PRRT1: variants seen among roughly 807,000 people sequenced by gnomAD.
PRRT1 encodes proline rich transmembrane protein 1.
PRRT1 carries 8 observed loss-of-function variants against 22.6 expected under a neutral mutation model. That is an observed-to-expected ratio of 0.35 (90% CI 0.21 to 0.64). The LOEUF (loss-of-function observed/expected upper bound fraction) is 0.64, where lower values mean the gene tolerates loss of function less well. PRRT1 is among the 30% of genes least tolerant of loss of function. The pLI, the probability that PRRT1 is intolerant of heterozygous loss-of-function variation, is 0.69. For missense variants in PRRT1, 315 were observed against 444.5 expected (o/e 0.71, Z 2.62); for synonymous variants, 176 against 203.6 (o/e 0.86, Z 1.15).
upstream of PRRT1, chr6:32,151,985 G>GGGGGGGGGGGGGGGGGGGGGT: frequency 5.2e-6 from 1 of 191,678 alleles, no homozygotes; most frequent in Non-Finnish European, 1.0e-5. Context: ...GGCGGAGGGA[G>GGGGGGGGGGGGGGGGGGGGGT]AGCGGGGAGG....
chr6:32,150,777 T>C lies in PRRT1; in HGVS notation c.149A>G (p.Gln50Arg). 1 of 1,559,178 alleles carries C rather than the reference T, an allele frequency of 6.4e-7. No individual in the cohort carries two copies. Among genetic ancestry groups the C allele is most frequent in the Non-Finnish European group, 8.7e-7 (1 of 1,152,670 alleles). Reference sequence around the variant, plus strand: ...GCGCGGGAGGGTGGCGGTGCCAGACTGATGGTAGTGGTGGTGGTGGTGATG... The same window carrying C: ...GCGCGGGAGGGTGGCGGTGCCAGACCGATGGTAGTGGTGGTGGTGGTGATG... The part of the protein sequence containing the change: ...SHHHHHHHYH[Q>R]SGTATLPRLG... The change falls in exon 2 of 4, where the codon CAG (glutamine) becomes CGG (arginine). Residue 50 changes from glutamine to arginine, a missense_variant. Gln to Arg is a conservative substitution (Grantham distance 43). Coordinates refer to ENST00000211413, the MANE Select transcript of PRRT1 (RefSeq NM_030651.4). The surrounding 1 kb of genome is among the most constrained non-coding windows in gnomAD (Gnocchi z 7.2).
rs1783138523 is a variant in PRRT1 at position 32,149,461 on chromosome 6, T to C, written c.745-63A>G. 4 of 1,600,918 alleles carry C rather than the reference T, an allele frequency of 2.5e-6. No homozygotes were observed. In the African/African-American group the frequency reaches 5.4e-5, roughly 21 times the overall value. On this transcript the variant is annotated intron_variant, in intron 3 of 3. Transcript: ENST00000211413. The surrounding 1 kb of genome is among the most constrained non-coding windows in gnomAD (Gnocchi z 8.7). ...GCGGCCTCGTTCGAACGCCTCAGCC[T>C]TTCTCTAAGATGGTCCCCAGAACGC...
upstream of PRRT1, chr6:32,152,194 GAGA>G: frequency 8.0e-6 from 5 of 621,560 alleles, no homozygotes. Flanking sequence ...AGGAAGGAAG[GAGA>G]ACTCTCTGGA....
Position 32,149,183 on chromosome 6 carries a change from G to A in PRRT1, c.*39C>T, listed in dbSNP as rs748474349. The stretch of plus-strand genomic sequence containing the variant: ...GTATGACTGCAGAAAGAGCCTGGGA[G>A]ATCGAGGGGCGCAGAGTGGGGCCGG... On this transcript the variant is annotated 3_prime_UTR_variant, in exon 4 of 4. Transcript: ENST00000211413. This position sits in a 1 kb window ranked among gnomAD's most constrained non-coding sequence, Gnocchi z 8.7. 1.2e-6 allele frequency: 2 copies of A among 1,603,206 alleles called. No individual in the cohort carries two copies. Among genetic ancestry groups the A allele is most frequent in the East Asian group, 2.2e-5 (1 of 44,688 alleles).
At chr6:32,152,000 G>GGGGGGGGA, upstream of PRRT1, 2 of 350,434 alleles carry the variant, frequency 5.7e-6, no homozygotes, top group East Asian at 1.1e-4. Context: ...GGGAGGGGGG[G>GGGGGGGGA]AGCTTAAAGG....
Position 32,149,668 on chromosome 6 carries a change from G to A in PRRT1, c.613C>T (p.Pro205Ser). 5 of 1,611,898 alleles carry A rather than the reference G, an allele frequency of 3.1e-6. No individual in the cohort carries two copies. Among genetic ancestry groups the A allele is most frequent in the Non-Finnish European group, 4.2e-6 (5 of 1,179,516 alleles). Residue 205 changes from proline (P) to serine (S), a missense_variant, in exon 3 of 4, where the codon CCG becomes TCG. Pro to Ser is a moderately conservative substitution (Grantham distance 74). This residue lies in a region of PRRT1 where 263 missense variants were observed against 328.5 expected (regional missense o/e 0.80). Transcript: ENST00000211413. This position sits in a 1 kb window ranked among gnomAD's most constrained non-coding sequence, Gnocchi z 8.7. The stretch of plus-strand genomic sequence containing the variant: ...AGGGCCAGCCCTGGGCCCTGGGGCG[G>A]CGGGGGGAGAGTGGAGGTCACTCCT... ...GTGVTSTLPPPPQGPGLALLE... is the reference protein window; with the variant it reads ...GTGVTSTLPPSPQGPGLALLE...
upstream of PRRT1, chr6:32,151,984 A>AGGGGGGGGGGGGGGGGGGG: frequency 1.3e-5 from 1 of 76,804 alleles, no homozygotes; most frequent in Non-Finnish European, 2.5e-5. Flanking sequence ...GGGCGGAGGG[A>AGGGGGGGGGGGGGGGGGGG]GAGCGGGGAG....
rs1315990169 is a variant in PRRT1, at chr6:32,150,621, G to A, written c.305C>T (p.Ala102Val). Residue 102 changes from alanine to valine, a missense_variant, in exon 2 of 4, where the codon GCT (alanine) becomes GTT (valine). By Grantham distance (64) the Ala-to-Val change is moderately conservative. This residue lies in a region of PRRT1 where 263 missense variants were observed against 328.5 expected (regional missense o/e 0.80). Transcript: ENST00000211413. This position sits in a 1 kb window ranked among gnomAD's most constrained non-coding sequence, Gnocchi z 7.2. ...GTCGGGTGGCATGCGGGGCAAGGTA[G>A]CGCAGCCGGGTGGGGGTGCCCCGGC... ...PAAGAPPPGC[A>V]TLPRMPPDPY... 4 of 1,415,122 alleles carry A rather than the reference G, an allele frequency of 2.8e-6. No individual in the cohort carries two copies. In the East Asian group the frequency reaches 8.2e-5, roughly 29 times the overall value. The allele number at this position is 1,415,122 out of a possible 1,614,324, so 87.7% of individuals were successfully genotyped here.
chr6:32,149,112 C>G lies in PRRT1; in HGVS notation c.*110G>C, dbSNP rs762810348. The G allele has an allele frequency of 8.6e-7, 1 of 1,166,944 alleles. No individual in the cohort carries two copies. The highest frequency in any genetic ancestry group is 1.3e-6 in the Non-Finnish European group (1 of 792,102). 72.3% of individuals were successfully genotyped at this position (1,166,944 alleles called of 1,614,324 possible). On this transcript the variant is annotated 3_prime_UTR_variant, in exon 4 of 4. Coordinates refer to ENST00000211413, the MANE Select transcript of PRRT1 (RefSeq NM_030651.4). This position sits in a 1 kb window ranked among gnomAD's most constrained non-coding sequence, Gnocchi z 8.7. ...GGCGGAGTTTACGATGTATCCAAGT[C>G]TGACGGCCCCAGAAACGGGTGTGCA...
upstream of PRRT1, chr6:32,151,999 GGAGCTTAAAGGGACCGAGGCGAGGGA>G: frequency 2.7e-6 from 1 of 371,716 alleles, no homozygotes. Flanking sequence ...GGGGAGGGGG[GGAGCTTAAAGGGACCGAGGCGAGGGA>G]GGGGGAGCGC....
At chr6:32,152,245 G>A, upstream of PRRT1, 1 of 525,876 alleles carries the variant, frequency 1.9e-6, no homozygotes, top group East Asian at 4.9e-5. Flanking sequence ...TATTGTGGGA[G>A]GAAGTGAACA....
chr6:32,151,984 A>AGGGGGGGGGGGGGGGG, upstream of PRRT1: 1 of 76,806 alleles, frequency 1.3e-5, no homozygotes, highest in South Asian at 5.2e-5. Context: ...GGGCGGAGGG[A>AGGGGGGGGGGGGGGGG]GAGCGGGGAG....
chr6:32,149,135 G>T lies in PRRT1; in HGVS notation c.*87C>A. On this transcript the variant is annotated 3_prime_UTR_variant, in exon 4 of 4. Coordinates refer to ENST00000211413, the MANE Select transcript of PRRT1 (RefSeq NM_030651.4). This position sits in a 1 kb window ranked among gnomAD's most constrained non-coding sequence, Gnocchi z 8.7. ...GTCTGACGGCCCCAGAAACGGGTGTGCAGGGCGCCCATTGGGTCCGCGGTA... is the reference window on the plus strand; with the variant it reads ...GTCTGACGGCCCCAGAAACGGGTGTTCAGGGCGCCCATTGGGTCCGCGGTA... 1 of 1,381,458 alleles carries T rather than the reference G, an allele frequency of 7.2e-7. No individual in the cohort carries two copies. The highest frequency in any genetic ancestry group is 1.0e-6 in the Non-Finnish European group (1 of 984,164). 85.6% of individuals were successfully genotyped at this position (1,381,458 alleles called of 1,614,324 possible). A position where few individuals can be genotyped will look rare whatever the true frequency, so the allele number is the denominator to read the frequency against.
Position 32,148,970 on chromosome 6 carries a change from G to C in PRRT1, c.*252C>G. On this transcript the variant is annotated 3_prime_UTR_variant, in exon 4 of 4. Transcript: ENST00000211413. This position sits in a 1 kb window ranked among gnomAD's most constrained non-coding sequence, Gnocchi z 5.7. ...GAGGGTGAGGGGGCCTGGAGCGACT[G>C]AGGGTCCGGCGTTTGGCCGGGATCC... is the stretch of plus-strand genomic sequence containing the variant. The C allele has an allele frequency of 1.4e-6, 1 of 696,810 alleles. No individual in the cohort carries two copies. The highest frequency in any genetic ancestry group is 2.6e-6 in the Non-Finnish European group (1 of 381,712). The allele number at this position is 696,810 out of a possible 1,614,324, so 43.2% of individuals were successfully genotyped here.
chr6:32,151,833 C>A lies in PRRT1; in HGVS notation c.-6G>T, dbSNP rs749248273. 6.2e-7 allele frequency: 1 copy of A among 1,610,154 alleles called. No homozygotes were observed. The highest frequency in any genetic ancestry group is 2.2e-5 in the East Asian group (1 of 44,780). ...CCTGACTTTTCGGATGACATGCCTG[C>A]GGTCTCGCTGGGACAGGGTCCCTGC... On this transcript the variant is annotated 5_prime_UTR_variant, in exon 1 of 4. Coordinates refer to ENST00000211413, the MANE Select transcript of PRRT1 (RefSeq NM_030651.4).
Position 32,150,664 on chromosome 6 carries a change from C to A in PRRT1, c.262G>T (p.Ala88Ser). 7.8e-7 allele frequency: 1 copy of A among 1,274,934 alleles called. No homozygotes were observed. Among genetic ancestry groups the A allele is most frequent in the Non-Finnish European group, 1.0e-6 (1 of 983,962 alleles). The allele number at this position is 1,274,934 out of a possible 1,614,324, so 79.0% of individuals were successfully genotyped here. A position where few individuals can be genotyped will look rare whatever the true frequency, so the allele number is the denominator to read the frequency against. Residue 88 changes from alanine (A) to serine (S), a missense_variant, in exon 2 of 4, where the codon GCC becomes TCC. Ala to Ser is a moderately conservative substitution (Grantham distance 99, BLOSUM62 1). Around this residue, in one of 4 missense-constraint regions of PRRT1, gnomAD observed 263 missense variants for 328.5 expected, o/e 0.80. Transcript: ENST00000211413. The surrounding 1 kb of genome is among the most constrained non-coding windows in gnomAD (Gnocchi z 7.2). ...GCCCCGGCAGCAGGGCCGGGAGGGG[C>A]GTGGTGGGGGGGCCTCGGCAGCGTG... ...SATLPRPPHH[A>S]PPGPAAGAPP...
Position 32,148,461 on chromosome 6 carries a change from C to T in PRRT1, c.*761G>A. 2 of 262,066 alleles carry T rather than the reference C, an allele frequency of 7.6e-6. No homozygotes were observed. The highest frequency in any genetic ancestry group is 7.7e-6 in the Non-Finnish European group (1 of 130,216). 16.2% of individuals were successfully genotyped at this position (262,066 alleles called of 1,614,324 possible). A position where few individuals can be genotyped will look rare whatever the true frequency, so the allele number is the denominator to read the frequency against. On this transcript the variant is annotated 3_prime_UTR_variant, in exon 4 of 4. Coordinates refer to ENST00000211413, the MANE Select transcript of PRRT1 (RefSeq NM_030651.4). The surrounding 1 kb of genome is among the most constrained non-coding windows in gnomAD (Gnocchi z 5.7). ...CGCCGAGGGGAGCGGGGAGCGGGGA[C>T]TTGGGAGGTCCATAGCCTGGATTCC...
At position 32,149,951 on chromosome 6, in the gene PRRT1, A is replaced by G. The variant is rs928278181; in HGVS notation, c.559-229T>C. 1.2e-5 allele frequency: 7 copies of G among 560,358 alleles called. No homozygotes were observed. The highest frequency in any genetic ancestry group is 1.9e-5 in the African/African-American group (1 of 52,120). 34.7% of individuals were successfully genotyped at this position (560,358 alleles called of 1,614,324 possible). On this transcript the variant is annotated intron_variant, in intron 2 of 3. Transcript: ENST00000211413. This position sits in a 1 kb window ranked among gnomAD's most constrained non-coding sequence, Gnocchi z 8.7. ...TTGGGCTTTCTACATTCTCTCCCGC[A>G]AGGTATGGTCCCACTGGGGCTGTCC...
Position 32,151,821 on chromosome 6 carries a change from A to T in PRRT1, c.7T>A (p.Ser3Thr). The change falls in exon 1 of 4, where the codon TCC (serine) becomes ACC (threonine). Residue 3 changes from serine (S) to threonine (T), a missense_variant. By Grantham distance (58) the Ser-to-Thr change is moderately conservative. Transcript: ENST00000211413. The part of the protein sequence containing the change: MS[S>T]EKSGLPDSVP... ...TTATTGTTTTTACCTGACTTTTCGG[A>T]TGACATGCCTGCGGTCTCGCTGGGA... 1 of 1,609,732 alleles carries T rather than the reference A, an allele frequency of 6.2e-7. No individual in the cohort carries two copies. Among genetic ancestry groups the T allele is most frequent in the Non-Finnish European group, 8.5e-7 (1 of 1,178,844 alleles).
Sources: gnomAD v4.1 joint callset for allele counts on GRCh38, gnomAD v4.1.1 for gene constraint, gnomAD v4.1.1 regional missense constraint, Gnocchi (gnomAD v3.1) non-coding constraint, MANE v1.5 for transcripts, NCBI Gene and HGNC (gene_info 2026-07-23, HGNC 2026-07-21) for gene names.